Variants in NSUN6 observed in about 807,000 individuals in gnomAD.
NSUN6 encodes the protein tRNA (cytosine(72)-C(5))-methyltransferase NSUN6.
In NSUN6, 64 loss-of-function variants were observed where a neutral mutation model predicts 58.0. That is an observed-to-expected ratio of 1.10 (90% CI 0.90 to 1.36). The LOEUF is 1.36. Ranked by LOEUF, NSUN6 falls within the 40% of genes most tolerant of loss-of-function variation. The pLI is 0.00. For missense variants in NSUN6, 701 were observed against 550.1 expected (o/e 1.27, Z -2.74); for synonymous variants, 231 against 193.9 (o/e 1.19, Z -1.59).
intron 7 of NSUN6, among the ~76,000 whole-genome samples, chr10:18,586,504 T>G (rs2057149544): frequency 6.6e-6 from 1 of 151,876 alleles, no homozygotes; most frequent in South Asian, 2.1e-4. Context: ...TGTTTGTTCC[T>G]CCGGGTGGGT....
At chr10:18,654,978 T>G, upstream of NSUN6, 1 of 663,974 alleles carries the variant, frequency 1.5e-6, no homozygotes, top group South Asian at 6.7e-5. Context: ...AAAATCAATC[T>G]TGGATTGGTT....
chr10:18,626,338 G>GAGACCAGCCTGGGCAACAC (rs2058805013), intron 3 of NSUN6, among the ~76,000 whole-genome samples: 1 of 151,624 alleles, frequency 6.6e-6, no homozygotes, highest in African/African-American at 2.4e-5. Flanking sequence ...TCAGGAGCTC[G>GAGACCAGCCTGGGCAACAC]AGACCAGCCT....
intron 8 of NSUN6, among the ~76,000 whole-genome samples, chr10:18,568,658 T>A (rs1337029282): frequency 1.3e-5 from 2 of 151,026 alleles, no homozygotes; most frequent in Non-Finnish European, 3.0e-5. Flanking sequence ...CATTCTATTC[T>A]CCATTCACTT....
At chr10:18,594,009 G>C (rs1385484069) in intron 7 of NSUN6, among the ~76,000 whole-genome samples, 2 of 151,866 alleles carry the variant, frequency 1.3e-5, no homozygotes, top group African/African-American at 4.8e-5. Context: ...AAACCATCCT[G>C]GCCAACATGG....
intron 6 of NSUN6, among the ~76,000 whole-genome samples, chr10:18,606,217 A>T (rs1377841739): frequency 6.6e-6 from 1 of 152,206 alleles, no homozygotes; most frequent in Non-Finnish European, 1.5e-5. Context: ...AGATTCCTGT[A>T]GGCCTACTCA....
At chr10:18,571,070 T>C (rs2056332471) in intron 8 of NSUN6, among the ~76,000 whole-genome samples, 1 of 145,166 alleles carries the variant, frequency 6.9e-6, no homozygotes, top group African/African-American at 2.6e-5. Flanking sequence ...ATTCTCCATT[T>C]CATTGCATTC....
intron 3 of NSUN6, among the ~76,000 whole-genome samples, chr10:18,633,867 C>A (rs527454182): frequency 2.0e-5 from 3 of 152,172 alleles, no homozygotes; most frequent in East Asian, 1.9e-4. Context: ...AATAAGAAAG[C>A]CTTCCCCGCC....
intron 5 of NSUN6, among the ~76,000 whole-genome samples, chr10:18,611,723 GGTGTGTGT>G (rs10579235): frequency 2.0e-4 from 30 of 148,962 alleles, no homozygotes; most frequent in East Asian, 4.0e-4. Flanking sequence ...GTCTCACTAT[GGTGTGTGT>G]GTGTGTGTGT....
intron 8 of NSUN6, among the ~76,000 whole-genome samples, chr10:18,571,596 T>G (rs2056367485): frequency 6.6e-6 from 1 of 151,058 alleles, no homozygotes; most frequent in Non-Finnish European, 1.5e-5. Flanking sequence ...TCCATTCCAT[T>G]CTCTATTCCA....
intron 9 of NSUN6, among the ~76,000 whole-genome samples, chr10:18,550,898 G>C (rs183863784): frequency 6.6e-6 from 1 of 152,070 alleles, no homozygotes; most frequent in African/African-American, 2.4e-5. Flanking sequence ...CTAATTTTTT[G>C]TATTTTTAGT....
chr10:18,635,778 C>T (rs1476755606), intron 3 of NSUN6, among the ~76,000 whole-genome samples: 1 of 151,262 alleles, frequency 6.6e-6, no homozygotes, highest in Admixed American at 6.6e-5. Flanking sequence ...GCAGGGGTTG[C>T]AGTGAGCCGA....
chr10:18,545,714 C>G lies in NSUN6; in HGVS notation c.*219G>C. On this transcript the variant is annotated 3_prime_UTR_variant, in exon 11 of 11. Coordinates refer to ENST00000377304, the MANE Select transcript of NSUN6 (RefSeq NM_182543.5). ...GCTTTTCTTTATACTCTACTAAATA[C>G]ATAAAAAAAAAAAATCTTTTAAAAA... 2.2e-6 allele frequency: 1 copy of G among 463,604 alleles called. No individual in the cohort carries two copies. Among genetic ancestry groups the G allele is most frequent in the East Asian group, 4.2e-5 (1 of 24,086 alleles). The allele number at this position is 463,604 out of a possible 1,614,324, so 28.7% of individuals were successfully genotyped here.
In NSUN6 at chr10:18,596,283, A is replaced by G. The variant is rs1431427015; in HGVS notation, c.702T>C (p.Pro234=). The G allele has an allele frequency of 1.6e-5, 25 of 1,599,786 alleles. No homozygotes were observed. The highest frequency in any genetic ancestry group is 2.1e-5 in the Non-Finnish European group (24 of 1,167,022). ...ALVSHVLNPQ[P]GEKILDLCAA... ...CACACAAGTCTAGAATCTTCTCTCC[A>G]GGTTGAGGATTTAGTACATGACTTA... The change falls in exon 7 of 11, where the codon CCT becomes CCC. Residue 234 remains proline (P), a synonymous_variant. Coordinates refer to ENST00000377304, the MANE Select transcript of NSUN6 (RefSeq NM_182543.5).
At chr10:18,625,257 T>C (rs2058751215) in intron 3 of NSUN6, among the ~76,000 whole-genome samples, 2 of 152,162 alleles carry the variant, frequency 1.3e-5, no homozygotes, top group Admixed American at 1.3e-4. Flanking sequence ...CTGAGGGCTG[T>C]CTTGGGAATC....
chr10:18,588,379 G>A (rs1407140470), intron 7 of NSUN6, among the ~76,000 whole-genome samples: 1 of 152,220 alleles, frequency 6.6e-6, no homozygotes, highest in East Asian at 1.9e-4. Flanking sequence ...GCTCTGAAGA[G>A]AGAAGCTGAT....
At chr10:18,579,505 T>A (rs2056812590) in intron 8 of NSUN6, among the ~76,000 whole-genome samples, 2 of 152,148 alleles carry the variant, frequency 1.3e-5, no homozygotes, top group Admixed American at 1.3e-4. Flanking sequence ...TTTCACATAA[T>A]ATATAGTCCT....
chr10:18,651,423 C>A lies in NSUN6; in HGVS notation c.-220G>T, dbSNP rs2059702864. Reference sequence around the variant, plus strand: ...GGGCTTCCACCACACCTCATCGAGGCAATGTTTTCTGGTAGAGATGCTCAT... The same window carrying A: ...GGGCTTCCACCACACCTCATCGAGGAAATGTTTTCTGGTAGAGATGCTCAT... On this transcript the variant is annotated 5_prime_UTR_variant, in exon 1 of 11. Transcript: ENST00000377304. 3 of 1,239,254 alleles carry A rather than the reference C, an allele frequency of 2.4e-6. No homozygotes were observed. Among genetic ancestry groups the A allele is most frequent in the Non-Finnish European group, 3.0e-6 (3 of 990,730 alleles). 76.8% of individuals were successfully genotyped at this position (1,239,254 alleles called of 1,614,324 possible). A position where few individuals can be genotyped will look rare whatever the true frequency, so the allele number is the denominator to read the frequency against.
At chr10:18,617,988 A>C (rs1196430964) in intron 3 of NSUN6, among the ~76,000 whole-genome samples, 4 of 152,166 alleles carry the variant, frequency 2.6e-5, no homozygotes, top group Admixed American at 1.3e-4. Flanking sequence ...GTTCTTTATA[A>C]ATTATCCAGT....
chr10:18,584,037 G>A (rs1217891838), intron 8 of NSUN6, among the ~76,000 whole-genome samples: 2 of 152,128 alleles, frequency 1.3e-5, no homozygotes, highest in African/African-American at 4.8e-5. Context: ...CTCTCCTAGA[G>A]AACTGACAGT....
Sources: allele counts gnomAD v4.1 joint callset (sites outside exome capture counted in the v4.1 genomes callset), GRCh38; gene constraint gnomAD v4.1.1; transcripts MANE v1.5; gene names NCBI Gene and HGNC (gene_info 2026-07-23, HGNC 2026-07-21).